The following DPP6 variants were observed in gnomAD, a reference collection of about 807,000 sequenced individuals.
DPP6 encodes the protein dipeptidyl peptidase like 6.
In DPP6, 69 loss-of-function variants were observed where a neutral mutation model predicts 122.6. The observed-to-expected ratio is 0.56, with a 90% CI of 0.46 to 0.69. The LOEUF is 0.69. Ranked by LOEUF, DPP6 falls within the 30% of genes least tolerant of loss-of-function variation. The probability of loss-of-function intolerance (pLI) is 0.00; values close to 1 mark genes in which losing one functional copy is unlikely to be tolerated. For synonymous variants in DPP6, 418 were observed against 433.1 expected, an observed-to-expected ratio of 0.97 and a Z score of 0.43; for missense variants, 928 against 1,116.9, an observed-to-expected ratio of 0.83 and a Z score of 2.41.
At chr7:153,757,887 A>C in the DPP6 span, among the ~76,000 whole-genome samples, 1 of 152,196 alleles carries the variant, frequency 6.6e-6, no homozygotes, top group Non-Finnish European at 1.5e-5. Flanking sequence ...TGAACCCAGG[A>C]GGTAGAGGTT....
At chr7:153,861,557 A>C in the DPP6 span, among the ~76,000 whole-genome samples, 10 of 152,234 alleles carry the variant, frequency 6.6e-5, no homozygotes, top group Non-Finnish European at 1.5e-4. Context: ...AGTAATGTCC[A>C]TGTCCTGAAG....
chr7:154,420,925 G>A (rs1817418888), intron 1 of DPP6, among the ~76,000 whole-genome samples: 1 of 152,002 alleles, frequency 6.6e-6, no homozygotes. Context: ...CTGGCATTTT[G>A]CACTTAAATC....
rs369604985 is a variant in DPP6 at position 153,944,661 on chromosome 7, TG to T, written c.51+56930del. ...GGACCATCAGTTTCTTATTTTTGTGTGGGTTTTTTTTTTTTTTTTTTTTTTG... is the reference window on the plus strand; with the variant it reads ...GGACCATCAGTTTCTTATTTTTGTGTGGTTTTTTTTTTTTTTTTTTTTTTG... On this transcript the variant is annotated intron_variant, in intron 1 of 25. Coordinates refer to the DPP6 transcript ENST00000404039. Among the ~76,000 whole-genome samples, 847 of 108,326 alleles carry T rather than the reference TG, an allele frequency of 7.8e-3. 21 individuals carry two copies. Among genetic ancestry groups the T allele is most frequent in the African/African-American group, 0.03 (805 of 27,100 alleles). The allele number at this position is 108,326 out of a possible 152,430, so 71.1% of individuals were successfully genotyped here.
At chr7:153,756,570 G>C in the DPP6 span, among the ~76,000 whole-genome samples, 1 of 152,310 alleles carries the variant, frequency 6.6e-6, no homozygotes, top group African/African-American at 2.4e-5. Flanking sequence ...GTTAGCAAGG[G>C]CATGTCTAGT....
intron 16 of DPP6, among the ~76,000 whole-genome samples, chr7:154,810,929 C>T (rs1465447151): frequency 6.6e-6 from 1 of 152,208 alleles, no homozygotes; most frequent in Non-Finnish European, 1.5e-5. Flanking sequence ...GATCTCAGAG[C>T]ATCTAATCCA....
At chr7:154,350,148 G>A (rs1458530402) in intron 1 of DPP6, among the ~76,000 whole-genome samples, 1 of 152,212 alleles carries the variant, frequency 6.6e-6, no homozygotes, top group African/African-American at 2.4e-5. Flanking sequence ...CCTGGAGAAT[G>A]TGGAGAAGAC....
At chr7:154,737,453 G>A (rs866133475) in intron 8 of DPP6, among the ~76,000 whole-genome samples, 7 of 152,104 alleles carry the variant, frequency 4.6e-5, no homozygotes, top group Non-Finnish European at 8.8e-5. Flanking sequence ...TTGATATGCT[G>A]TATTTTTTAT....
intron 1 of DPP6, among the ~76,000 whole-genome samples, chr7:154,061,906 C>CCCG (rs1364283246): frequency 2.3e-5 from 3 of 129,148 alleles, no homozygotes; most frequent in African/African-American, 8.3e-5. Flanking sequence ...ATCCCTCTTC[C>CCCG]CCCCCTGGCT....
chr7:154,488,904 C>T (rs575498317), intron 3 of DPP6, among the ~76,000 whole-genome samples: 2 of 152,162 alleles, frequency 1.3e-5, no homozygotes, highest in East Asian at 1.9e-4. Flanking sequence ...TATCTCTCAG[C>T]GATACTTTGC....
rs546862912 is a variant in DPP6, at chr7:154,745,561, C to T, written c.883+17674C>T. On this transcript the variant is annotated intron_variant, in intron 8 of 25. Coordinates refer to ENST00000377770, the MANE Select transcript of DPP6 (RefSeq NM_130797.4). ...TGTTGCCATAAAGGAATACCTGAAA[C>T]TGGGCAATTTATAAAAAGAAGAGTT... 4.6e-5 allele frequency among the ~76,000 whole-genome samples: 7 copies of T among 152,304 alleles called. No individual in the cohort carries two copies. In the South Asian group the frequency reaches 1.4e-3, roughly 32 times the overall value.
intron 1 of DPP6, among the ~76,000 whole-genome samples, chr7:154,080,488 C>T (rs181938035): frequency 2.2e-4 from 33 of 152,336 alleles, no homozygotes; most frequent in Admixed American, 2.1e-3. Context: ...GATGTTATTG[C>T]ACAAATTACA....
intron 1 of DPP6, among the ~76,000 whole-genome samples, chr7:154,197,452 C>T (rs1798927143): frequency 1.3e-5 from 2 of 152,096 alleles, no homozygotes; most frequent in African/African-American, 2.4e-5. Context: ...TGACTTCCAC[C>T]TCCTCACAAA....
At chr7:153,887,745 C>T in intron 1 of DPP6, 2 of 1,612,884 alleles carry the variant, frequency 1.2e-6, no homozygotes, top group Non-Finnish European at 1.7e-6. Context: ...GTGAGTGCCA[C>T]GGACAGGGCG....
chr7:154,058,492 C>T (rs1287197326), intron 1 of DPP6: 4 of 141,120 alleles, frequency 2.8e-5, no homozygotes, highest in East Asian at 2.3e-4. Context: ...GGGGAGGCAC[C>T]CTCCGCGAGG....
chr7:154,440,510 C>T (rs996572850), intron 1 of DPP6, among the ~76,000 whole-genome samples: 1 of 152,132 alleles, frequency 6.6e-6, no homozygotes, highest in Non-Finnish European at 1.5e-5. Context: ...CTTGCGTTTC[C>T]ACCTCCAGCC....
intron 1 of DPP6, among the ~76,000 whole-genome samples, chr7:154,080,565 T>C (rs533367468): frequency 2.6e-5 from 4 of 152,304 alleles, no homozygotes; most frequent in African/African-American, 9.6e-5. Context: ...CTGGAGCACA[T>C]ATGCTTTTCC....
intron 10 of DPP6, among the ~76,000 whole-genome samples, chr7:154,787,460 A>G (rs1797404825): frequency 6.6e-6 from 1 of 152,242 alleles, no homozygotes; most frequent in African/African-American, 2.4e-5. Context: ...CCTGTCCACT[A>G]CTGATGGTTG....
intron 21 of DPP6, 165 bp from the exon 22 acceptor site, chr7:154,885,468 C>T: frequency 1.0e-6 from 1 of 955,710 alleles, no homozygotes; most frequent in Non-Finnish European, 1.5e-6. Flanking sequence ...GTTTGCTTTT[C>T]ATCTCTTGTT....
intron 5 of DPP6, among the ~76,000 whole-genome samples, chr7:154,634,103 C>T (rs1835574042): frequency 6.7e-6 from 1 of 148,928 alleles, no homozygotes; most frequent in South Asian, 2.1e-4. Context: ...TGTTGGTGTG[C>T]TGCACCCATT....
Sources: gnomAD v4.1 joint callset for allele counts (sites outside exome capture counted in the v4.1 genomes callset) on GRCh38, gnomAD v4.1.1 for gene constraint, MANE v1.5 for transcripts, NCBI Gene and HGNC (gene_info 2026-07-23, HGNC 2026-07-21) for gene names.